ULK4: variants seen among roughly 807,000 people sequenced by gnomAD.
ULK4 encodes the protein inactive serine/threonine-protein kinase ULK4.
ULK4 carries 133 observed loss-of-function variants against 160.6 expected under a neutral mutation model. The ratio of observed to expected loss-of-function variants is 0.83; its 90% confidence interval spans 0.72 to 0.96. The LOEUF (loss-of-function observed/expected upper bound fraction) is 0.96, where lower values mean the gene tolerates loss of function less well. Among genes scored for constraint, ULK4 ranks in the 40% least tolerant of loss-of-function variants. The pLI is 0.00. For synonymous variants in ULK4, 534 were observed against 539.8 expected (o/e 0.99, Z 0.15); for missense variants, 1,580 against 1,499.5 (o/e 1.05, Z -0.89).
At chr3:41,272,343 GTTTTTTTTTTT>G (rs3038324) in intron 35 of ULK4, among the ~76,000 whole-genome samples, 1 of 95,476 alleles carries the variant, frequency 1.0e-5, no homozygotes. Context: ...AATTTTGAAA[GTTTTTTTTTTT>G]TTTTTTTTTT....
chr3:41,546,023 A>G (rs1268086119), intron 32 of ULK4, among the ~76,000 whole-genome samples: 1 of 152,150 alleles, frequency 6.6e-6, no homozygotes, highest in African/African-American at 2.4e-5. Flanking sequence ...GGCTTTGAAT[A>G]TATTTGTAAT....
intron 35 of ULK4, among the ~76,000 whole-genome samples, chr3:41,258,029 C>T (rs2078868666): frequency 6.6e-6 from 1 of 152,142 alleles, no homozygotes; most frequent in African/African-American, 2.4e-5. Flanking sequence ...TCAAGGGGCT[C>T]TGAAATGAAT....
intron 21 of ULK4, 132 bp downstream of exon 21, chr3:41,789,529 G>A: frequency 1.3e-6 from 1 of 773,674 alleles, no homozygotes; most frequent in Non-Finnish European, 1.9e-6. Flanking sequence ...TGGTACAAAG[G>A]TTTGGCAAAG....
intron 4 of ULK4, among the ~76,000 whole-genome samples, chr3:41,934,673 T>C (rs1396138735): frequency 6.6e-6 from 1 of 152,218 alleles, no homozygotes; most frequent in African/African-American, 2.4e-5. Flanking sequence ...TTAGTGTTGA[T>C]TGCAACTCAG....
At chr3:41,328,924 CTAAAT>C (rs2080389087) in intron 35 of ULK4, among the ~76,000 whole-genome samples, 1 of 152,168 alleles carries the variant, frequency 6.6e-6, no homozygotes, top group Non-Finnish European at 1.5e-5. Context: ...ACATTTTTTA[CTAAAT>C]TAACAAATAA....
intron 35 of ULK4, among the ~76,000 whole-genome samples, chr3:41,283,669 A>G (rs2079404579): frequency 6.6e-6 from 1 of 152,176 alleles, no homozygotes; most frequent in Non-Finnish European, 1.5e-5. Context: ...GGGGAGGGAT[A>G]GCATTAGGAG....
intron 22 of ULK4, among the ~76,000 whole-genome samples, chr3:41,749,310 C>T (rs2038533556): frequency 2.0e-5 from 3 of 152,070 alleles, no homozygotes; most frequent in African/African-American, 7.2e-5. Context: ...TGGTGAAACC[C>T]CGTCCCTACT....
chr3:41,856,551 GTATATATATACACA>G (rs1464580653), intron 17 of ULK4, among the ~76,000 whole-genome samples: 2 of 44,436 alleles, frequency 4.5e-5, no homozygotes, highest in African/African-American at 2.7e-4. Context: ...ATATATATGT[GTATATATATACACA>G]TATATATATG....
At chr3:41,247,239 G>T (rs1479695527) in intron 36 of ULK4, among the ~76,000 whole-genome samples, 2 of 152,140 alleles carry the variant, frequency 1.3e-5, no homozygotes, top group Non-Finnish European at 2.9e-5. Flanking sequence ...AGCCACCTCT[G>T]CCAGAAACAC....
At chr3:41,330,088 T>A (rs902187684) in intron 35 of ULK4, among the ~76,000 whole-genome samples, 1 of 152,196 alleles carries the variant, frequency 6.6e-6, no homozygotes, top group Admixed American at 6.5e-5. Context: ...CTCACAATCC[T>A]GCTGTCGCTG....
intron 31 of ULK4, among the ~76,000 whole-genome samples, chr3:41,578,410 T>A (rs112095795): frequency 8.5e-5 from 13 of 152,290 alleles, no homozygotes; most frequent in African/African-American, 2.9e-4. Context: ...TAAGAACCAT[T>A]ATATTTGTTT....
chr3:41,598,657 C>T (rs2031853925), intron 31 of ULK4, among the ~76,000 whole-genome samples: 1 of 151,056 alleles, frequency 6.6e-6, no homozygotes, highest in African/African-American at 2.5e-5. Context: ...AATACACATC[C>T]ACCCCCTACA....
intron 27 of ULK4, among the ~76,000 whole-genome samples, chr3:41,699,501 T>A (rs118043132): frequency 2.0e-5 from 3 of 152,154 alleles, no homozygotes; most frequent in Non-Finnish European, 4.4e-5. Context: ...GAAACCACCA[T>A]GAGTGGGGAA....
At chr3:41,506,773 T>TATATAAATATAA (rs1559658130) in intron 32 of ULK4, among the ~76,000 whole-genome samples, 3 of 20,110 alleles carry the variant, frequency 1.5e-4, no homozygotes, top group African/African-American at 4.4e-4. Context: ...TTAAAATATA[T>TATATAAATATAA]ATATATATAT....
intron 35 of ULK4, among the ~76,000 whole-genome samples, chr3:41,268,976 A>G (rs1427870970): frequency 6.6e-6 from 1 of 152,068 alleles, no homozygotes; most frequent in Non-Finnish European, 1.5e-5. Context: ...CCCTGGACCA[A>G]GCGCTCACTG....
At chr3:41,584,357 G>T (rs555605860) in intron 31 of ULK4, among the ~76,000 whole-genome samples, 13 of 152,110 alleles carry the variant, frequency 8.5e-5, no homozygotes, top group Admixed American at 2.6e-4. Context: ...GGTGGTGTGC[G>T]CTCAGCTCTC....
intron 19 of ULK4, among the ~76,000 whole-genome samples, chr3:41,803,440 AAG>A (rs1366127238): frequency 6.6e-6 from 1 of 152,138 alleles, no homozygotes. Flanking sequence ...AAGCTTCTAG[AAG>A]AGGTCATAAA....
chr3:41,726,321 A>G lies in ULK4; in HGVS notation c.2322-8460T>C, dbSNP rs544787679. 2.0e-5 allele frequency among the ~76,000 whole-genome samples: 3 copies of G among 152,350 alleles called. No individual in the cohort carries two copies. In the South Asian group the frequency reaches 6.2e-4, roughly 32 times the overall value. On this transcript the variant is annotated intron_variant, in intron 22 of 36. Coordinates refer to ENST00000301831, the MANE Select transcript of ULK4 (RefSeq NM_017886.4). ...CTCTAGAATGATGCTCCATTTCTTC[A>G]TGCTCTCCCCAATGCCTCCCCATTA... is the stretch of plus-strand genomic sequence containing the variant.
At chr3:41,602,380 G>T (rs912149615) in intron 31 of ULK4, among the ~76,000 whole-genome samples, 1 of 149,860 alleles carries the variant, frequency 6.7e-6, no homozygotes, top group Non-Finnish European at 1.5e-5. Flanking sequence ...GAAAAAGGAA[G>T]GGAAGGAGAA....
Sources: allele counts gnomAD v4.1 joint callset (sites outside exome capture counted in the v4.1 genomes callset), GRCh38; gene constraint gnomAD v4.1.1; transcripts MANE v1.5; gene names NCBI Gene and HGNC (gene_info 2026-07-23, HGNC 2026-07-21).